CCDC88B: variants seen among roughly 807,000 people sequenced by gnomAD.
The protein encoded by CCDC88B is coiled-coil domain-containing protein 88B.
CCDC88B carries 138 observed loss-of-function variants against 183.7 expected under a neutral mutation model. That is an observed-to-expected ratio of 0.75 (90% CI 0.65 to 0.87). CCDC88B has a LOEUF of 0.87. CCDC88B is among the 40% of genes least tolerant of loss of function. The pLI, the probability that CCDC88B is intolerant of heterozygous loss-of-function variation, is 0.00. For missense variants in CCDC88B, 1,822 were observed against 1,965.6 expected (o/e 0.93, Z 1.38); for synonymous variants, 835 against 867.5 (o/e 0.96, Z 0.66).
Position 64,345,142 on chromosome 11 carries a change from G to A in CCDC88B, c.2601G>A (p.Lys867=), listed in dbSNP as rs1409836706. 1 of 1,544,070 alleles carries A rather than the reference G, an allele frequency of 6.5e-7. No homozygotes were observed. The highest frequency in any genetic ancestry group is 8.7e-7 in the Non-Finnish European group (1 of 1,150,308). The change falls in exon 14 of 27, where the codon AAG becomes AAA. Residue 867 remains lysine, a synonymous_variant. Transcript: ENST00000356786. ...LEEAERERRE[K]EALQAELEKA... ...AGGCTGAGAGGGAGCGCCGGGAGAA[G>A]GAGGCCCTCCAGGCGGTAGGTCAGG... is the stretch of plus-strand genomic sequence containing the variant.
rs2035858096 is a variant in CCDC88B, at chr11:64,341,617, G to T, written c.550G>T (p.Gly184Cys). The T allele has an allele frequency of 6.2e-7, 1 of 1,601,484 alleles. No individual in the cohort carries two copies. The highest frequency in any genetic ancestry group is 8.5e-7 in the Non-Finnish European group (1 of 1,173,480). ...GCCCCAGGTGACCCAGCCGGGGGCCGGCGTGGTGCTGGCACTGTCTGGGCC... is the reference window on the plus strand; with the variant it reads ...GCCCCAGGTGACCCAGCCGGGGGCCTGCGTGGTGCTGGCACTGTCTGGGCC... ...AIQEVTQPGAGVVLALSGPDP... is the reference protein window; with the variant it reads ...AIQEVTQPGACVVLALSGPDP... The change falls in exon 7 of 27, where the codon GGC becomes TGC. Residue 184 changes from glycine to cysteine, a missense_variant. Transcript: ENST00000356786.
Position 64,352,202 on chromosome 11 carries a change from C to T in CCDC88B, c.3172C>T (p.Arg1058Trp), listed in dbSNP as rs113145295. Reference sequence around the variant, plus strand: ...GCTGGAGGTGCTGGAGGAGGAGGTGCGGGCGGCACGGCAGTCCCAGGAGGA... The same window carrying T: ...GCTGGAGGTGCTGGAGGAGGAGGTGTGGGCGGCACGGCAGTCCCAGGAGGA... ...RKLEVLEEEVRAARQSQEETR... is the reference protein window; with the variant it reads ...RKLEVLEEEVWAARQSQEETR... The change falls in exon 19 of 27, where the codon CGG becomes TGG. Residue 1058 changes from arginine to tryptophan, a missense_variant. By Grantham distance (101) the Arg-to-Trp change is moderately radical (BLOSUM62 -3). Coordinates refer to ENST00000356786, the MANE Select transcript of CCDC88B (RefSeq NM_032251.6). 1.4e-4 allele frequency: 222 copies of T among 1,607,822 alleles called. No individual in the cohort carries two copies. Among genetic ancestry groups the T allele is most frequent in the Middle Eastern group, 8.3e-4 (5 of 5,990 alleles).
chr11:64,346,798 C>CTTTTA (rs1387928811), intron 14 of CCDC88B, among the ~76,000 whole-genome samples: 5 of 149,942 alleles, frequency 3.3e-5, no homozygotes, highest in African/African-American at 4.9e-5. Flanking sequence ...TAGTTTCTTT[C>CTTTTA]TTTTCTTTTC....
chr11:64,349,042 G>A lies in CCDC88B; in HGVS notation c.2617-289G>A, dbSNP rs890474862. On this transcript the variant is annotated intron_variant, in intron 14 of 26. Transcript: ENST00000356786. ...TTCACTGCGCACATGAAGAACCGTG[G>A]GCTCAGAGAGGTGACGGCACTTGCC... is the stretch of plus-strand genomic sequence containing the variant. 1.4e-5 allele frequency: 10 copies of A among 717,280 alleles called. No individual in the cohort carries two copies. In the African/African-American group the frequency reaches 1.6e-4, roughly 11 times the overall value. The allele number at this position is 717,280 out of a possible 1,614,324, so 44.4% of individuals were successfully genotyped here.
In CCDC88B at chr11:64,357,238, C is replaced by A; in HGVS notation, c.*144C>A. The A allele has an allele frequency of 1.0e-6, 1 of 977,514 alleles. No individual in the cohort carries two copies. The highest frequency in any genetic ancestry group is 1.6e-6 in the Non-Finnish European group (1 of 614,534). 60.6% of individuals were successfully genotyped at this position (977,514 alleles called of 1,614,324 possible). ...GAGGCCTGGGCCCTGAGATCCTCCA[C>A]GGTCAGCGCCGGGGCCCGGAGATGG... is the stretch of plus-strand genomic sequence containing the variant. On this transcript the variant is annotated 3_prime_UTR_variant, in exon 27 of 27. Coordinates refer to ENST00000356786, the MANE Select transcript of CCDC88B (RefSeq NM_032251.6).
At position 64,344,293 on chromosome 11, in the gene CCDC88B, G is replaced by A. The variant is rs2036008914; in HGVS notation, c.1752G>A (p.Glu584=). 1 of 1,613,776 alleles carries A rather than the reference G, an allele frequency of 6.2e-7. No individual in the cohort carries two copies. Among genetic ancestry groups the A allele is most frequent in the Non-Finnish European group, 8.5e-7 (1 of 1,179,986 alleles). Residue 584 remains glutamate, a synonymous_variant, in exon 14 of 27, where the codon GAG becomes GAA. Coordinates refer to ENST00000356786, the MANE Select transcript of CCDC88B (RefSeq NM_032251.6). This position sits in a 1 kb window ranked among gnomAD's most constrained non-coding sequence, Gnocchi z 4.5. The part of the protein sequence containing the change: ...WSPQESGSPV[E]TQESPEKAGR... Reference sequence around the variant, plus strand: ...CGCAAGAGTCAGGCTCTCCTGTGGAGACACAGGAGTCCCCGGAGAAGGCTG... The same window carrying A: ...CGCAAGAGTCAGGCTCTCCTGTGGAAACACAGGAGTCCCCGGAGAAGGCTG...
Position 64,342,301 on chromosome 11 carries a change from AAGGCCGAGCTGCTGCTAGACTCCC to A in CCDC88B, c.838_861del (p.Leu280_Glu287del). 1 of 1,589,250 alleles carries A rather than the reference AAGGCCGAGCTGCTGCTAGACTCCC, an allele frequency of 6.3e-7. No individual in the cohort carries two copies. On this transcript the variant is annotated inframe_deletion, in exon 9 of 27. Coordinates refer to ENST00000356786, the MANE Select transcript of CCDC88B (RefSeq NM_032251.6). ...GACTCCCCTTCCCTCCAGGGAGGAGAAGGCCGAGCTGCTGCTAGACTCCCAGGCCGAGGTGCAGGGTTTGGAGGC... is the reference window on the plus strand; with the variant it reads ...GACTCCCCTTCCCTCCAGGGAGGAGAAGGCCGAGGTGCAGGGTTTGGAGGC...
At chr11:64,355,524 T>G in intron 25 of CCDC88B, 36 bp from the exon 26 acceptor site, 1 of 1,611,440 alleles carries the variant, frequency 6.2e-7, no homozygotes, top group South Asian at 1.1e-5. Flanking sequence ...ACTTCCGCAC[T>G]GGCCCTGGGC....
intron 15 of CCDC88B, 27 bp from the exon 16 acceptor site, chr11:64,349,524 G>GGGC: frequency 6.7e-7 from 1 of 1,498,192 alleles, no homozygotes. Flanking sequence ...GTGGGGTGGG[G>GGGC]CTGGGTGCTA....
At chr11:64,353,574 T>A in intron 22 of CCDC88B, 78 bp downstream of exon 22, 1 of 1,580,028 alleles carries the variant, frequency 6.3e-7, no homozygotes, top group South Asian at 1.1e-5. Context: ...AGTGAGGGCC[T>A]AGGGACAGGG....
At chr11:64,349,797 A>T in intron 16 of CCDC88B, 129 bp downstream of exon 16, 2 of 863,624 alleles carry the variant, frequency 2.3e-6, no homozygotes, top group Non-Finnish European at 3.7e-6. Context: ...CTCACTCCCC[A>T]TGTGGGGCCT....
chr11:64,345,498 G>C (rs2036073622), intron 14 of CCDC88B, among the ~76,000 whole-genome samples: 1 of 152,168 alleles, frequency 6.6e-6, no homozygotes, highest in Non-Finnish European at 1.5e-5. Flanking sequence ...GACCTTGGGA[G>C]ACAGTAGCTG....
At chr11:64,348,268 A>C (rs917713890) in intron 14 of CCDC88B, among the ~76,000 whole-genome samples, 2 of 143,606 alleles carry the variant, frequency 1.4e-5, no homozygotes, top group African/African-American at 2.6e-5. Context: ...CAAAGGGGGA[A>C]TTTTGTGAGA....
chr11:64,342,498 C>T (rs1178548691), intron 9 of CCDC88B, 24 bp from the exon 10 acceptor site: 1 of 1,528,188 alleles, frequency 6.5e-7, no homozygotes, highest in South Asian at 1.2e-5. Flanking sequence ...CTGGCTGTTC[C>T]CAGCTCCACA....
At chr11:64,348,051 A>T (rs1164827883) in intron 14 of CCDC88B, among the ~76,000 whole-genome samples, 1 of 2,908 alleles carries the variant, frequency 3.4e-4, no homozygotes, top group Non-Finnish European at 1.2e-3. Flanking sequence ...CTCCGTCTCA[A>T]AAAAAAAAAA....
chr11:64,356,962 G>C, intron 26 of CCDC88B, 77 bp from the exon 27 acceptor site: 1 of 1,444,928 alleles, frequency 6.9e-7, no homozygotes, highest in Middle Eastern at 2.0e-4. Context: ...GGCAGAAGGT[G>C]CTCGAGCCTG....
At chr11:64,346,313 G>C (rs1035116481) in intron 14 of CCDC88B, among the ~76,000 whole-genome samples, 6 of 152,172 alleles carry the variant, frequency 3.9e-5, no homozygotes, top group Non-Finnish European at 8.8e-5. Flanking sequence ...CTGTTGCCCA[G>C]TCTGGAGTGC....
intron 14 of CCDC88B, chr11:64,348,891 T>C: frequency 1.5e-6 from 1 of 651,296 alleles, no homozygotes; most frequent in South Asian, 1.7e-5. Flanking sequence ...TGACTTCCTG[T>C]CCCTCCAGCC....
In CCDC88B at chr11:64,345,226, C is replaced by T. The variant is rs2036061699; in HGVS notation, c.2616+69C>T. The T allele has an allele frequency of 1.9e-5, 28 of 1,481,142 alleles. 2 individuals are homozygous for T. In the South Asian group the frequency reaches 3.4e-4, roughly 18 times the overall value. The allele number at this position is 1,481,142 out of a possible 1,614,324, so 91.7% of individuals were successfully genotyped here. Reference sequence around the variant, plus strand: ...TCCAGGCTGTTGGGAGTTACTGATTCCATCAGCAGCTGTTCAGTGGGTGCC... The same window carrying T: ...TCCAGGCTGTTGGGAGTTACTGATTTCATCAGCAGCTGTTCAGTGGGTGCC... On this transcript the variant is annotated intron_variant, in intron 14 of 26. Coordinates refer to ENST00000356786, the MANE Select transcript of CCDC88B (RefSeq NM_032251.6).
Sources: allele counts gnomAD v4.1 joint callset (sites outside exome capture counted in the v4.1 genomes callset), GRCh38; gene constraint gnomAD v4.1.1; non-coding constraint Gnocchi (gnomAD v3.1); transcripts MANE v1.5; gene names NCBI Gene and HGNC (gene_info 2026-07-23, HGNC 2026-07-21).